The following SPPL3 variants were observed in gnomAD, a reference collection of about 807,000 sequenced individuals.
SPPL3 encodes the protein signal peptide peptidase like 3, also known as signal peptide peptidase-like 3.
SPPL3 carries 5 observed loss-of-function variants against 42.4 expected under a neutral mutation model. The ratio of observed to expected loss-of-function variants is 0.12; its 90% CI spans 0.06 to 0.25. The LOEUF is 0.25. SPPL3 is among the 10% of genes least tolerant of loss of function. The probability of loss-of-function intolerance (pLI) is 1.00; values close to 1 mark genes in which losing one functional copy is unlikely to be tolerated. For missense variants in SPPL3, 235 were observed against 489.0 expected, an observed-to-expected ratio of 0.48 and a Z score of 4.90; for synonymous variants, 195 against 181.8, an observed-to-expected ratio of 1.07 and a Z score of -0.58.
At chr12:120,765,691 G>A (rs1442495031) in intron 10 of SPPL3, among the ~76,000 whole-genome samples, 2 of 151,380 alleles carry the variant, frequency 1.3e-5, no homozygotes, top group African/African-American at 2.4e-5. Context: ...CCCTAGAAGG[G>A]GTGCTTTTAG....
intron 2 of SPPL3, among the ~76,000 whole-genome samples, chr12:120,797,574 G>T (rs1474350558): frequency 8.5e-5 from 13 of 152,136 alleles, no homozygotes; most frequent in African/African-American, 3.1e-4. Flanking sequence ...TTGGCTGGAA[G>T]TACAAGTGGC....
At chr12:120,845,839 T>C (rs1415599611) in intron 1 of SPPL3, among the ~76,000 whole-genome samples, 1 of 151,558 alleles carries the variant, frequency 6.6e-6, no homozygotes, top group Admixed American at 6.6e-5. Flanking sequence ...CAATTACTAT[T>C]TTAATTGCTT....
chr12:120,875,130 T>C (rs544790858), intron 1 of SPPL3, among the ~76,000 whole-genome samples: 2 of 152,298 alleles, frequency 1.3e-5, no homozygotes, highest in East Asian at 1.9e-4. Context: ...ACAGGCATCA[T>C]GAAGCAAAGA....
intron 1 of SPPL3, among the ~76,000 whole-genome samples, chr12:120,811,750 C>T (rs1870688449): frequency 6.6e-6 from 1 of 152,166 alleles, no homozygotes; most frequent in Non-Finnish European, 1.5e-5. Flanking sequence ...ATGCCAGGCA[C>T]TCTGCTAGCC....
At chr12:120,765,674 G>A (rs1213799086) in intron 10 of SPPL3, among the ~76,000 whole-genome samples, 3 of 152,128 alleles carry the variant, frequency 2.0e-5, no homozygotes, top group Admixed American at 1.3e-4. Flanking sequence ...CTATTTTTAG[G>A]AGGACTCCCT....
intron 6 of SPPL3, among the ~76,000 whole-genome samples, chr12:120,776,000 C>T (rs1869300536): frequency 6.6e-6 from 1 of 152,142 alleles, no homozygotes; most frequent in African/African-American, 2.4e-5. Context: ...GAGCAAGACA[C>T]TACAGTGTAT....
At chr12:120,829,560 T>C (rs979704539) in intron 1 of SPPL3, among the ~76,000 whole-genome samples, 2 of 151,698 alleles carry the variant, frequency 1.3e-5, no homozygotes, top group African/African-American at 4.8e-5. Flanking sequence ...TGCACCACTG[T>C]ACTCCAGCCT....
At chr12:120,869,839 A>C (rs1253527717) in intron 1 of SPPL3, among the ~76,000 whole-genome samples, 1 of 152,230 alleles carries the variant, frequency 6.6e-6, no homozygotes, top group African/African-American at 2.4e-5. Flanking sequence ...GAATGAGAAC[A>C]TATATGTTCT....
intron 1 of SPPL3, among the ~76,000 whole-genome samples, chr12:120,835,188 CTAAA>C (rs1296951563): frequency 6.6e-6 from 1 of 151,866 alleles, no homozygotes; most frequent in Non-Finnish European, 1.5e-5. Context: ...ACAGTGCATA[CTAAA>C]TGTCTGTAAA....
At chr12:120,789,452 A>AAAAAAAAAG (rs71453507) in intron 3 of SPPL3, among the ~76,000 whole-genome samples, 2 of 30,798 alleles carry the variant, frequency 6.5e-5, no homozygotes, top group Non-Finnish European at 1.5e-4. Context: ...ACTCTGTCTC[A>AAAAAAAAAG]AAAAAAAAAA....
chr12:120,862,134 T>C (rs1872632761), intron 1 of SPPL3, among the ~76,000 whole-genome samples: 1 of 152,212 alleles, frequency 6.6e-6, no homozygotes, highest in Admixed American at 6.5e-5. Flanking sequence ...TTATACTTCC[T>C]GATATTTACC....
chr12:120,845,884 ATC>A (rs1251619700), intron 1 of SPPL3, among the ~76,000 whole-genome samples: 1 of 151,778 alleles, frequency 6.6e-6, no homozygotes, highest in Non-Finnish European at 1.5e-5. Flanking sequence ...CTATCTATCT[ATC>A]TATCTATCTA....
intron 1 of SPPL3, among the ~76,000 whole-genome samples, chr12:120,884,808 G>GT (rs1555254341): frequency 0.045 from 6,132 of 137,406 alleles, 169 homozygotes; most frequent in South Asian, 0.11. Flanking sequence ...TTTTTTTTGG[G>GT]TTTTTTTTTT....
intron 1 of SPPL3, among the ~76,000 whole-genome samples, chr12:120,883,308 AAAAC>A (rs948680540): frequency 9.8e-5 from 15 of 152,290 alleles, no homozygotes; most frequent in African/African-American, 3.1e-4. Flanking sequence ...CCCGTCTCAA[AAAAC>A]AAACAAACAA....
chr12:120,800,433 G>A (rs909874687), intron 2 of SPPL3, among the ~76,000 whole-genome samples: 1 of 152,088 alleles, frequency 6.6e-6, no homozygotes, highest in Non-Finnish European at 1.5e-5. Context: ...AACCCGGGAG[G>A]TGGAGGTTGC....
At chr12:120,769,282 T>C (rs367901064) in intron 6 of SPPL3, 17 of 434,034 alleles carry the variant, frequency 3.9e-5, no homozygotes, top group Middle Eastern at 6.3e-4. Context: ...CTCCTAGACA[T>C]AGTGCTCGGC....
chr12:120,823,923 T>A (rs942075311), intron 1 of SPPL3, among the ~76,000 whole-genome samples: 1 of 151,514 alleles, frequency 6.6e-6, no homozygotes, highest in African/African-American at 2.4e-5. Flanking sequence ...CAGGCTGGAG[T>A]GCAGTGGCGC....
chr12:120,781,559 T>G (rs1869543565), intron 6 of SPPL3, among the ~76,000 whole-genome samples: 2 of 7,166 alleles, frequency 2.8e-4, no homozygotes, highest in Non-Finnish European at 8.6e-4. Context: ...TGTTACGTTT[T>G]TTTTTTTTTT....
intron 1 of SPPL3, among the ~76,000 whole-genome samples, chr12:120,822,424 G>A (rs988574229): frequency 2.0e-5 from 3 of 152,104 alleles, no homozygotes; most frequent in Non-Finnish European, 2.9e-5. Context: ...TTCTAGAAAC[G>A]AAGTCTTAAA....
Sources: gnomAD v4.1 joint callset for allele counts (sites outside exome capture counted in the v4.1 genomes callset) on GRCh38, gnomAD v4.1.1 for gene constraint, MANE v1.5 for transcripts, NCBI Gene and HGNC (gene_info 2026-07-23, HGNC 2026-07-21) for gene names.